Variants in SCN1A observed in about 807,000 individuals in gnomAD.
SCN1A encodes sodium channel protein type 1 subunit alpha.
SCN1A carries 13 observed loss-of-function variants against 193.7 expected under a neutral mutation model. The ratio of observed to expected loss-of-function variants is 0.07; its 90% confidence interval spans 0.04 to 0.11. The LOEUF (loss-of-function observed/expected upper bound fraction) is 0.11. Among genes scored for constraint, SCN1A ranks in the 10% least tolerant of loss-of-function variants. The pLI is 1.00. For missense variants in SCN1A, 1,432 were observed against 2,451.1 expected (o/e 0.58, Z 8.78); for synonymous variants, 781 against 843.6 (o/e 0.93, Z 1.29).
At chr2:166,032,039 G>C (rs1695626293) in intron 19 of SCN1A, among the ~76,000 whole-genome samples, 1 of 151,956 alleles carries the variant, frequency 6.6e-6, no homozygotes, top group Admixed American at 6.6e-5. Flanking sequence ...AATTTTGGAG[G>C]TATTATAATG....
At chr2:166,013,949 T>TA (rs1304895000) in intron 20 of SCN1A, 51 bp from the exon 21 acceptor site, 20 of 1,592,470 alleles carry the variant, frequency 1.3e-5, no homozygotes, top group Non-Finnish European at 1.6e-5. Context: ...GCTTCCATAA[T>TA]ATCCTTTAGC....
intron 2 of SCN1A, among the ~76,000 whole-genome samples, chr2:166,120,734 C>T (rs1184839126): frequency 6.6e-6 from 1 of 151,464 alleles, no homozygotes; most frequent in Non-Finnish European, 1.5e-5. Context: ...CTGGCTCAGC[C>T]TCCTGAGTAG....
At chr2:166,081,744 A>C (rs575229840) in intron 2 of SCN1A, 3 of 151,970 alleles carry the variant, frequency 2.0e-5, no homozygotes, top group Non-Finnish European at 4.4e-5. Flanking sequence ...AAAGCCTAAA[A>C]GAAATTCCCC....
chr2:166,006,219 AAAG>A, intron 23 of SCN1A, among the ~76,000 whole-genome samples: 1 of 151,514 alleles, frequency 6.6e-6, no homozygotes, highest in Non-Finnish European at 1.5e-5. Flanking sequence ...TTTTAAGTAT[AAAG>A]AAGAATAATA....
chr2:166,046,974 T>G lies in SCN1A; in HGVS notation c.1173A>C (p.Thr391=). 1.9e-6 allele frequency: 3 copies of G among 1,613,316 alleles called. No individual in the cohort carries two copies. Among genetic ancestry groups the G allele is most frequent in the Non-Finnish European group, 2.5e-6 (3 of 1,179,362 alleles). The part of the protein sequence containing the change: ...QDFWENLYQL[T]LRAAGKTYMI... ...TGTACGTTTTCCCAGCAGCACGTAA[T>G]GTCTGCAAACAAAAATATCAGAATT... Residue 391 remains threonine, a splice_region_variant and synonymous_variant, in exon 12 of 29, where the codon ACA becomes ACC. Transcript: ENST00000674923.
rs201905405 is a variant in SCN1A at position 165,991,636 on chromosome 2, C to G, written c.5639G>C (p.Gly1880Ala). The change falls in exon 29 of 29, where the codon GGA (glycine) becomes GCA (alanine). Residue 1880 changes from glycine (G) to alanine (A), a missense_variant. By Grantham distance (60) the Gly-to-Ala change is moderately conservative (BLOSUM62 0). Coordinates refer to ENST00000674923, the MANE Select transcript of SCN1A (RefSeq NM_001165963.4). ...AFTKRVLGES[G>A]EMDALRIQME... ...CTGTATTCGTAGAGCATCCATCTCTCCACTCTCTCCTAGAACCCGCTTTGT... is the reference window on the plus strand; with the variant it reads ...CTGTATTCGTAGAGCATCCATCTCTGCACTCTCTCCTAGAACCCGCTTTGT... 1 of 1,613,902 alleles carries G rather than the reference C, an allele frequency of 6.2e-7. No homozygotes were observed. The highest frequency in any genetic ancestry group is 8.5e-7 in the Non-Finnish European group (1 of 1,179,918).
intron 5 of SCN1A, among the ~76,000 whole-genome samples, chr2:166,058,107 T>C (rs1227255469): frequency 4.6e-5 from 7 of 152,062 alleles, no homozygotes. Context: ...CCTGACATTC[T>C]CTGACAGAAA....
chr2:166,102,425 G>A (rs1228964265), intron 2 of SCN1A, among the ~76,000 whole-genome samples: 2 of 151,112 alleles, frequency 1.3e-5, no homozygotes, highest in African/African-American at 4.9e-5. Context: ...GAACCCAGGA[G>A]GCGGAGCTTG....
intron 2 of SCN1A, among the ~76,000 whole-genome samples, chr2:166,087,082 G>C (rs1393427065): frequency 6.6e-6 from 1 of 151,626 alleles, no homozygotes; most frequent in Non-Finnish European, 1.5e-5. Flanking sequence ...TGGGTCATGG[G>C]TGGATCCCTC....
chr2:166,028,821 C>T (rs1036222050), intron 19 of SCN1A, among the ~76,000 whole-genome samples: 15 of 152,238 alleles, frequency 9.9e-5, no homozygotes, highest in African/African-American at 3.1e-4. Context: ...TTAGTATCTG[C>T]CCTCGTCGGT....
chr2:166,074,972 T>G (rs1453131862), intron 3 of SCN1A, among the ~76,000 whole-genome samples: 2 of 152,192 alleles, frequency 1.3e-5, no homozygotes, highest in African/African-American at 4.8e-5. Context: ...CAGCGGTTCT[T>G]AGAACTTAAC....
intron 4 of SCN1A, among the ~76,000 whole-genome samples, chr2:166,070,155 C>T (rs909816853): frequency 3.3e-5 from 5 of 152,210 alleles, no homozygotes; most frequent in Admixed American, 2.6e-4. Context: ...AAAAAGTGTA[C>T]AGGCAACTTA....
In SCN1A at chr2:165,990,920, T is replaced by C. The variant is rs562113459; in HGVS notation, c.*325A>G. On this transcript the variant is annotated 3_prime_UTR_variant, in exon 29 of 29. Transcript: ENST00000674923. ...TGGATACAATTACTACACTAAAGTGTTTCATGTTAAACAACCCCAAAATCA... is the reference window on the plus strand; with the variant it reads ...TGGATACAATTACTACACTAAAGTGCTTCATGTTAAACAACCCCAAAATCA... The C allele has an allele frequency of 3.5e-6, 1 of 285,816 alleles. No homozygotes were observed. The highest frequency in any genetic ancestry group is 7.5e-5 in the East Asian group (1 of 13,306). 17.7% of individuals were successfully genotyped at this position (285,816 alleles called of 1,614,324 possible). A position where few individuals can be genotyped will look rare whatever the true frequency, so the allele number is the denominator to read the frequency against.
At chr2:166,092,928 A>C (rs1686972706) in intron 2 of SCN1A, among the ~76,000 whole-genome samples, 1 of 152,030 alleles carries the variant, frequency 6.6e-6, no homozygotes, top group African/African-American at 2.4e-5. Flanking sequence ...TGTAACCCAT[A>C]CTGAAAGTAT....
intron 2 of SCN1A, among the ~76,000 whole-genome samples, chr2:166,094,261 A>T (rs1244353913): frequency 6.6e-6 from 1 of 152,202 alleles, no homozygotes; most frequent in Non-Finnish European, 1.5e-5. Context: ...ATACTGATAG[A>T]CGTGTTGGAA....
chr2:166,102,828 G>T (rs932025637), intron 2 of SCN1A, among the ~76,000 whole-genome samples: 1 of 152,122 alleles, frequency 6.6e-6, no homozygotes, highest in African/African-American at 2.4e-5. Flanking sequence ...ACTGGATAAA[G>T]AAAATGTGGT....
intron 4 of SCN1A, among the ~76,000 whole-genome samples, chr2:166,061,186 C>A (rs987982099): frequency 2.0e-5 from 3 of 152,072 alleles, no homozygotes; most frequent in Non-Finnish European, 4.4e-5. Context: ...GCTCCTTGGC[C>A]ACTGTTCAGC....
At chr2:166,066,137 A>T (rs1683815567) in intron 4 of SCN1A, among the ~76,000 whole-genome samples, 1 of 152,146 alleles carries the variant, frequency 6.6e-6, no homozygotes, top group Non-Finnish European at 1.5e-5. Flanking sequence ...GAAAGTGCCT[A>T]GGTAGGCTTT....
At chr2:166,031,783 T>G (rs1436416654) in intron 19 of SCN1A, among the ~76,000 whole-genome samples, 2 of 152,142 alleles carry the variant, frequency 1.3e-5, no homozygotes, top group East Asian at 1.9e-4. Flanking sequence ...ATTATCTCAT[T>G]TAATACTCTG....
Sources: gnomAD v4.1 joint callset for allele counts (sites outside exome capture counted in the v4.1 genomes callset) on GRCh38, gnomAD v4.1.1 for gene constraint, MANE v1.5 for transcripts, NCBI Gene and HGNC (gene_info 2026-07-23, HGNC 2026-07-21) for gene names.